Variants in PREX2 observed in about 807,000 individuals in gnomAD.
PREX2 encodes the protein phosphatidylinositol-3,4,5-trisphosphate dependent Rac exchange factor 2.
PREX2 carries 107 observed loss-of-function variants against 203.2 expected under a neutral mutation model. The ratio of observed to expected loss-of-function variants is 0.53; its 90% CI spans 0.45 to 0.62. The LOEUF (loss-of-function observed/expected upper bound fraction) is 0.62. Among genes scored for constraint, PREX2 ranks in the 20% least tolerant of loss-of-function variants. The pLI is 0.00. For missense variants in PREX2, 1,777 were observed against 1,955.9 expected, an observed-to-expected ratio of 0.91 and a Z score of 1.72; for synonymous variants, 672 against 663.6, an observed-to-expected ratio of 1.01 and a Z score of -0.19.
At chr8:67,976,590 G>C (rs1213000052) in intron 1 of PREX2, among the ~76,000 whole-genome samples, 8 of 118,962 alleles carry the variant, frequency 6.7e-5, no homozygotes, top group African/African-American at 1.6e-4. Flanking sequence ...GAGAGAGATG[G>C]GAGAGAGACA....
At chr8:68,123,152 T>G (rs112941177) in intron 30 of PREX2, among the ~76,000 whole-genome samples, 6,612 of 152,040 alleles carry the variant, frequency 0.043, 432 homozygotes, top group African/African-American at 0.14. Flanking sequence ...CTCTCTGAAG[T>G]TCTCTAAGAA....
At chr8:68,197,488 G>A (rs2129614817) in intron 37 of PREX2, among the ~76,000 whole-genome samples, 1 of 152,104 alleles carries the variant, frequency 6.6e-6, no homozygotes, top group South Asian at 2.1e-4. Flanking sequence ...GTGGAACTGT[G>A]AGTCAATTAA....
At chr8:68,217,155 T>A (rs887018156) in intron 37 of PREX2, among the ~76,000 whole-genome samples, 2 of 152,152 alleles carry the variant, frequency 1.3e-5, no homozygotes, top group African/African-American at 2.4e-5. Context: ...AAACACATTT[T>A]AAAAAATCAA....
rs1425188005 is a variant in PREX2, at chr8:68,234,325, T to G, written c.*2947T>G. 2 of 152,168 alleles carry G rather than the reference T, an allele frequency of 1.3e-5. No individual in the cohort carries two copies. Among genetic ancestry groups the G allele is most frequent in the East Asian group, 3.9e-4 (2 of 5,192 alleles). The allele number at this position is 152,168 out of a possible 1,614,324, so 9.4% of individuals were successfully genotyped here. A position where few individuals can be genotyped will look rare whatever the true frequency, so the allele number is the denominator to read the frequency against. ...ACCTTCAAATACTGCTAAAACCTGC[T>G]AACTTCTTCCAGGTTCTGAGCATGG... On this transcript the variant is annotated 3_prime_UTR_variant, in exon 40 of 40. Transcript: ENST00000288368.
intron 1 of PREX2, among the ~76,000 whole-genome samples, chr8:68,002,117 T>C (rs1806955272): frequency 7.9e-6 from 1 of 127,356 alleles, no homozygotes; most frequent in Admixed American, 8.5e-5. Flanking sequence ...ATGGAGAAGA[T>C]ATTAATTTTG....
In PREX2 at chr8:68,216,782, C is replaced by T. The variant is rs1812846850; in HGVS notation, c.4605-834C>T. 2.0e-5 allele frequency among the ~76,000 whole-genome samples: 3 copies of T among 152,002 alleles called. No homozygotes were observed. The South Asian group carries it at 6.2e-4, about 32-fold the overall frequency. On this transcript the variant is annotated intron_variant, in intron 37 of 39. Coordinates refer to ENST00000288368, the MANE Select transcript of PREX2 (RefSeq NM_024870.4). The stretch of plus-strand genomic sequence containing the variant: ...ACCATCCTGGCCAACATGGTGAAAC[C>T]CCATATCTACTAAAAATACAAAAAT...
chr8:68,111,327 A>T lies in PREX2; in HGVS notation c.3146+1704A>T, dbSNP rs550245303. Among the ~76,000 whole-genome samples the T allele has an allele frequency of 3.9e-5, 6 of 152,162 alleles. No homozygotes were observed. The South Asian group carries it at 6.2e-4, about 16-fold the overall frequency. On this transcript the variant is annotated intron_variant, in intron 25 of 39. Coordinates refer to ENST00000288368, the MANE Select transcript of PREX2 (RefSeq NM_024870.4). ...CTCAGCTGACACTGCTCAGGGACTA[A>T]TCTTTACTGCATTGACGATCTAGCA...
chr8:68,030,535 T>C lies in PREX2; in HGVS notation c.582T>C (p.Tyr194=). The C allele has an allele frequency of 6.2e-7, 1 of 1,613,626 alleles. No homozygotes were observed. The highest frequency in any genetic ancestry group is 8.5e-7 in the Non-Finnish European group (1 of 1,179,672). Residue 194 remains tyrosine (Y), a synonymous_variant, in exon 6 of 40, where the codon TAT becomes TAC. Transcript: ENST00000288368. ...LKRTPRKHSD[Y]AAVMEALQAM... ...GGACTCCACGGAAACACAGTGACTA[T>C]GCAGCAGTGATGGAAGCCCTCCAAG...
intron 1 of PREX2, among the ~76,000 whole-genome samples, chr8:68,015,351 G>T (rs1455783728): frequency 6.6e-6 from 1 of 152,174 alleles, no homozygotes; most frequent in African/African-American, 2.4e-5. Flanking sequence ...TTGGGAAAAA[G>T]AAATGCTTGG....
At chr8:67,978,194 T>TC (rs895022082) in intron 1 of PREX2, among the ~76,000 whole-genome samples, 3 of 151,856 alleles carry the variant, frequency 2.0e-5, no homozygotes, top group Admixed American at 2.0e-4. Context: ...TGGGGAAATC[T>TC]CCCCCCTCCT....
chr8:67,952,692 C>T (rs1805388668), intron 1 of PREX2, 157 bp downstream of exon 1: 1 of 1,039,902 alleles, frequency 9.6e-7, no homozygotes, highest in Admixed American at 2.2e-5. Flanking sequence ...TCTGCGTTCG[C>T]GGGCGCGGTG....
chr8:68,228,143 G>A (rs1011485084), intron 39 of PREX2, among the ~76,000 whole-genome samples: 24 of 152,170 alleles, frequency 1.6e-4, no homozygotes, highest in African/African-American at 4.6e-4. Context: ...GCTCTTCAGG[G>A]CAATAAGCCC....
At chr8:68,101,523 T>G (rs1304887057) in intron 23 of PREX2, 1 of 507,122 alleles carries the variant, frequency 2.0e-6, no homozygotes, top group East Asian at 5.5e-5. Context: ...GAATGTACCT[T>G]GTTGGAGTTG....
At chr8:68,201,552 C>T (rs960530734) in intron 37 of PREX2, among the ~76,000 whole-genome samples, 1 of 152,164 alleles carries the variant, frequency 6.6e-6, no homozygotes, top group Non-Finnish European at 1.5e-5. Context: ...CTAAGCCAGT[C>T]TAATCTCTCC....
At chr8:68,216,025 A>G (rs1364001080) in intron 37 of PREX2, among the ~76,000 whole-genome samples, 2 of 152,236 alleles carry the variant, frequency 1.3e-5, no homozygotes, top group Non-Finnish European at 2.9e-5. Context: ...TAATAATAAT[A>G]ATGAATTCTC....
intron 33 of PREX2, among the ~76,000 whole-genome samples, chr8:68,143,566 G>A (rs1184397147): frequency 1.8e-5 from 1 of 54,214 alleles, no homozygotes; most frequent in East Asian, 2.4e-4. Context: ...TGTTGAGTTT[G>A]AAGAGTTATC....
chr8:67,952,323 C>T lies in PREX2; in HGVS notation c.-72C>T, dbSNP rs1002671782. 164 of 1,271,956 alleles carry T rather than the reference C, an allele frequency of 1.3e-4. No individual in the cohort carries two copies. Among genetic ancestry groups the T allele is most frequent in the Non-Finnish European group, 1.6e-4 (156 of 1,001,320 alleles). The allele number at this position is 1,271,956 out of a possible 1,614,324, so 78.8% of individuals were successfully genotyped here. A position where few individuals can be genotyped will look rare whatever the true frequency, so the allele number is the denominator to read the frequency against. ...AACTTTCCATTCTCGCCGCCGGGGG[C>T]CGGGCAGCAGCGGGCGCGCGGGTCA... On this transcript the variant is annotated 5_prime_UTR_variant, in exon 1 of 40. Coordinates refer to ENST00000288368, the MANE Select transcript of PREX2 (RefSeq NM_024870.4).
chr8:68,111,492 A>G (rs1302980411), intron 25 of PREX2, among the ~76,000 whole-genome samples: 1 of 152,188 alleles, frequency 6.6e-6, no homozygotes, highest in Non-Finnish European at 1.5e-5. Flanking sequence ...ATTTATATTT[A>G]AGACACTAGT....
chr8:68,083,793 A>G (rs1380535233), intron 18 of PREX2, among the ~76,000 whole-genome samples: 1 of 152,234 alleles, frequency 6.6e-6, no homozygotes, highest in Non-Finnish European at 1.5e-5. Flanking sequence ...CTCATAAGAG[A>G]TGCAAAAAAG....
Sources: gnomAD v4.1 joint callset for allele counts (sites outside exome capture counted in the v4.1 genomes callset) on GRCh38, gnomAD v4.1.1 for gene constraint, MANE v1.5 for transcripts, NCBI Gene and HGNC (gene_info 2026-07-23, HGNC 2026-07-21) for gene names.